The following INTS3 variants were observed in gnomAD, a reference collection of about 807,000 sequenced individuals.
INTS3 encodes integrator complex subunit 3.
Under a neutral mutation model 146.3 loss-of-function variants are expected in INTS3, and 34 were observed. That is an observed-to-expected ratio of 0.23 (90% CI 0.18 to 0.31). The LOEUF is 0.31. INTS3 is among the 10% of genes least tolerant of loss of function. INTS3 has a pLI of 1.00. For missense variants in INTS3, 757 were observed against 1,304.2 expected, an observed-to-expected ratio of 0.58 and a Z score of 6.46; for synonymous variants, 475 against 494.9, an observed-to-expected ratio of 0.96 and a Z score of 0.53.
intron 1 of INTS3, among the ~76,000 whole-genome samples, chr1:153,733,883 G>A (rs1266846517): frequency 2.0e-5 from 3 of 152,076 alleles, no homozygotes; most frequent in Non-Finnish European, 4.4e-5. Context: ...GACTACAGGC[G>A]TGAGCCACCA....
intron 25 of INTS3, 68 bp downstream of exon 25, chr1:153,770,801 G>C: frequency 7.9e-7 from 1 of 1,271,852 alleles, no homozygotes; most frequent in Non-Finnish European, 1.1e-6. Flanking sequence ...TGGTCTAAAG[G>C]GCTTCTGTCC....
rs558646489 is a variant in INTS3, at chr1:153,734,749, A to C, written c.151-5902A>C. 3.9e-5 allele frequency among the ~76,000 whole-genome samples: 6 copies of C among 152,106 alleles called. No individual in the cohort carries two copies. In the East Asian group the frequency reaches 1.2e-3, roughly 29 times the overall value. ...TCATTCAGGCCCCTCCCTCTCCCCT[A>C]CCTTTTCCTCTTGTCTCCTAGAAGG... On this transcript the variant is annotated intron_variant, in intron 1 of 29. Coordinates refer to ENST00000318967, the MANE Select transcript of INTS3 (RefSeq NM_023015.5).
chr1:153,764,780 C>A, intron 19 of INTS3, 46 bp downstream of exon 19: 1 of 1,545,004 alleles, frequency 6.5e-7, no homozygotes, highest in Non-Finnish European at 9.0e-7. Flanking sequence ...TCCATCCTCC[C>A]TGACAGCACA....
At position 153,772,535 on chromosome 1, in the gene INTS3, G is replaced by A. The variant is rs1672939050; in HGVS notation, c.2821+95G>A. On this transcript the variant is annotated intron_variant, in intron 27 of 29. Transcript: ENST00000318967. The surrounding 1 kb of genome is among the most constrained non-coding windows in gnomAD (Gnocchi z 4.6). The stretch of plus-strand genomic sequence containing the variant: ...CTGGGGGCAGGGGCAGGACACCCGG[G>A]GCCACAACCCACACTCGGGATAAAA... 1.2e-6 allele frequency: 2 copies of A among 1,611,272 alleles called. No individual in the cohort carries two copies. The highest frequency in any genetic ancestry group is 2.7e-5 in the African/African-American group (2 of 74,818).
intron 1 of INTS3, among the ~76,000 whole-genome samples, chr1:153,731,888 C>T (rs1570828220): frequency 1.4e-5 from 2 of 138,202 alleles, no homozygotes; most frequent in Admixed American, 7.5e-5. Flanking sequence ...CCTGGCCCCG[C>T]GTCTTTTTTT....
chr1:153,760,706 C>A, intron 12 of INTS3, 121 bp from the exon 13 acceptor site: 1 of 811,392 alleles, frequency 1.2e-6, no homozygotes, highest in South Asian at 1.5e-5. Context: ...GTCCAGTTCT[C>A]TCTGCAGCCA....
rs1209282283 is a variant in INTS3, at chr1:153,728,461, A to G, written c.-174A>G. The G allele has an allele frequency of 1.4e-6, 1 of 735,240 alleles. No individual in the cohort carries two copies. The highest frequency in any genetic ancestry group is 2.2e-6 in the Non-Finnish European group (1 of 462,984). The allele number at this position is 735,240 out of a possible 1,614,324, so 45.5% of individuals were successfully genotyped here. ...CCCAGAGGACTGTGCCTTCGCCCCC[A>G]ACGCAGGCGCGGCCTTTTGGAGAGG... On this transcript the variant is annotated 5_prime_UTR_variant, in exon 1 of 30. Transcript: ENST00000318967.
chr1:153,759,519 T>C lies in INTS3; in HGVS notation c.1150-7T>C. On this transcript the variant is annotated splice_polypyrimidine_tract_variant and splice_region_variant and intron_variant, in intron 10 of 29. Coordinates refer to ENST00000318967, the MANE Select transcript of INTS3 (RefSeq NM_023015.5). ...CTAGCCCTCTGTTTCTCCCCTCTCT[T>C]TTCCAGTCAAATGTCGCTGCCTCCA... The C allele has an allele frequency of 6.2e-7, 1 of 1,604,896 alleles. No individual in the cohort carries two copies. The highest frequency in any genetic ancestry group is 1.7e-5 in the Admixed American group (1 of 60,010).
chr1:153,754,264 C>T (rs1240321232), intron 8 of INTS3, among the ~76,000 whole-genome samples: 1 of 152,154 alleles, frequency 6.6e-6, no homozygotes, highest in East Asian at 1.9e-4. Context: ...GGCTCATGCT[C>T]ATGCCACAAA....
chr1:153,770,961 G>A (rs1672830926), intron 25 of INTS3, among the ~76,000 whole-genome samples: 1 of 152,182 alleles, frequency 6.6e-6, no homozygotes. Flanking sequence ...TCGGAGGTGG[G>A]GAGGTGGGGA....
chr1:153,768,319 A>G (rs998016820), intron 21 of INTS3, among the ~76,000 whole-genome samples: 2 of 152,206 alleles, frequency 1.3e-5, no homozygotes, highest in African/African-American at 4.8e-5. Flanking sequence ...AGAAGTTCCC[A>G]GGAAGAGGGA....
rs1672929968 is a variant in INTS3 at position 153,772,417 on chromosome 1, A to G, written c.2798A>G (p.Asn933Ser). The G allele has an allele frequency of 1.2e-6, 2 of 1,613,988 alleles. No homozygotes were observed. Among genetic ancestry groups the G allele is most frequent in the Admixed American group, 1.7e-5 (1 of 60,002 alleles). ...ILEHLDNLRL[N>S]LTNTKQNFFS... ...GAGCACTTGGACAATCTGCGGCTCA[A>G]CCTGACCAACACCAAGCAGAACTGT... Residue 933 changes from asparagine (N) to serine (S), a missense_variant, in exon 27 of 30, where the codon AAC becomes AGC. This residue lies in a region of INTS3 where 125 missense variants were observed against 165.6 expected (regional missense o/e 0.75). Transcript: ENST00000318967. This position sits in a 1 kb window ranked among gnomAD's most constrained non-coding sequence, Gnocchi z 4.6.
intron 21 of INTS3, 24 bp downstream of exon 21, chr1:153,767,851 T>TGA (rs1672656482): frequency 6.3e-7 from 1 of 1,578,850 alleles, no homozygotes; most frequent in African/African-American, 1.3e-5. Flanking sequence ...TCCGTATCTG[T>TGA]GCCGGGGGGC....
At chr1:153,742,110 C>T (rs1044017287) in intron 3 of INTS3, among the ~76,000 whole-genome samples, 6 of 152,102 alleles carry the variant, frequency 3.9e-5, no homozygotes, top group Admixed American at 3.3e-4. Context: ...GGCATAGCTG[C>T]TTGAATTAAC....
intron 3 of INTS3, among the ~76,000 whole-genome samples, chr1:153,743,722 A>C (rs1025379099): frequency 1.3e-5 from 2 of 152,160 alleles, no homozygotes; most frequent in Non-Finnish European, 2.9e-5. Flanking sequence ...TGGCTGGGGA[A>C]CTGTGGCAAG....
At chr1:153,768,309 A>G (rs573957618) in intron 21 of INTS3, among the ~76,000 whole-genome samples, 4 of 152,322 alleles carry the variant, frequency 2.6e-5, no homozygotes, top group African/African-American at 9.6e-5. Context: ...TCCTCTTGGT[A>G]GAAGTTCCCA....
intron 14 of INTS3, 76 bp from the exon 15 acceptor site, chr1:153,762,652 C>G: frequency 2.6e-6 from 4 of 1,555,284 alleles, no homozygotes; most frequent in Non-Finnish European, 8.8e-7. Context: ...GCCCTCCATT[C>G]TCCCTTCCTA....
rs1242076526 is a variant in INTS3, at chr1:153,748,454, G to A, written c.518-235G>A. The A allele has an allele frequency of 4.2e-5, 24 of 566,848 alleles. No individual in the cohort carries two copies. In the East Asian group the frequency reaches 6.8e-4, roughly 16 times the overall value. 35.1% of individuals were successfully genotyped at this position (566,848 alleles called of 1,614,324 possible). On this transcript the variant is annotated intron_variant, in intron 5 of 29. Coordinates refer to ENST00000318967, the MANE Select transcript of INTS3 (RefSeq NM_023015.5). ...GTTCCCACTCCAACTCACAATCTGT[G>A]GGAAAGTAGCAGCTCTGGTTTCTAG...
At chr1:153,736,852 C>T (rs781349107) in intron 1 of INTS3, among the ~76,000 whole-genome samples, 3 of 150,986 alleles carry the variant, frequency 2.0e-5, no homozygotes, top group Non-Finnish European at 2.9e-5. Context: ...CAAGCTTCGC[C>T]GACCGGGTTC....
Sources: allele counts gnomAD v4.1 joint callset (sites outside exome capture counted in the v4.1 genomes callset), GRCh38; gene constraint gnomAD v4.1.1; regional missense constraint gnomAD v4.1.1; non-coding constraint Gnocchi (gnomAD v3.1); transcripts MANE v1.5; gene names NCBI Gene and HGNC (gene_info 2026-07-23, HGNC 2026-07-21).